PCMTD1: variants seen among roughly 807,000 people sequenced by gnomAD.
The protein encoded by PCMTD1 is protein-L-isoaspartate O-methyltransferase domain-containing protein 1.
Under a neutral mutation model 37.6 loss-of-function variants are expected in PCMTD1, and 12 were observed. The observed-to-expected ratio is 0.32, with a 90% CI of 0.20 to 0.52. PCMTD1 has a LOEUF of 0.52. PCMTD1 is among the 20% of genes least tolerant of loss of function. The pLI, the probability that PCMTD1 is intolerant of heterozygous loss-of-function variation, is 0.97. For synonymous variants in PCMTD1, 117 were observed against 135.8 expected (o/e 0.86, Z 0.96); for missense variants, 235 against 421.3 (o/e 0.56, Z 3.87).
intron 1 of PCMTD1, among the ~76,000 whole-genome samples, chr8:51,881,097 C>T (rs1312763486): frequency 2.0e-5 from 3 of 152,220 alleles, no homozygotes; most frequent in African/African-American, 7.2e-5. Context: ...CACTGCTTCA[C>T]TTACTGAGTC....
At chr8:51,894,388 T>C (rs1471523649) in intron 1 of PCMTD1, among the ~76,000 whole-genome samples, 1 of 152,024 alleles carries the variant, frequency 6.6e-6, no homozygotes, top group East Asian at 1.9e-4. Flanking sequence ...TCTTCCAGAG[T>C]GGATCAGGAG....
At chr8:51,882,667 G>T (rs1005798039) in intron 1 of PCMTD1, among the ~76,000 whole-genome samples, 1 of 151,966 alleles carries the variant, frequency 6.6e-6, no homozygotes. Flanking sequence ...AGTTATTTAA[G>T]ATCATGAAAA....
In PCMTD1 at chr8:51,833,640, C is replaced by T. The variant is rs1448784597; in HGVS notation, c.460G>A (p.Ala154Thr). The T allele has an allele frequency of 1.2e-6, 2 of 1,611,864 alleles. No individual in the cohort carries two copies. Among genetic ancestry groups the T allele is most frequent in the Non-Finnish European group, 8.5e-7 (1 of 1,179,622 alleles). ...AFVVGNCLQIASDSHQYDRIY... is the reference protein window; with the variant it reads ...AFVVGNCLQITSDSHQYDRIY... ...CGATCATACTGATGACTGTCAGAAG[C>T]TATCTGGAGGCAATTACCAACAACA... is the stretch of plus-strand genomic sequence containing the variant. The change falls in exon 4 of 6, where the codon GCT becomes ACT. Residue 154 changes from alanine to threonine, a missense_variant. By Grantham distance (58) the Ala-to-Thr change is moderately conservative. This residue lies in a region of PCMTD1 where 183 missense variants were observed against 349.3 expected (regional missense o/e 0.52). Coordinates refer to ENST00000522514, the MANE Select transcript of PCMTD1 (RefSeq NM_052937.4).
chr8:51,894,476 C>T (rs149748366), intron 1 of PCMTD1, among the ~76,000 whole-genome samples: 1 of 152,270 alleles, frequency 6.6e-6, no homozygotes, highest in African/African-American at 2.4e-5. Context: ...CAGAGCTCTT[C>T]TACCTACTAA....
chr8:51,838,703 C>G (rs147744503), intron 3 of PCMTD1, among the ~76,000 whole-genome samples: 3 of 152,146 alleles, frequency 2.0e-5, no homozygotes, highest in Admixed American at 2.0e-4. Context: ...TGTATGTTAC[C>G]TAAGTTTCCA....
chr8:51,852,784 T>C lies in PCMTD1; in HGVS notation c.308-7021A>G, dbSNP rs1048723268. ...GAGGAGAGACTGGTACTCAAGTTTC[T>C]GCATTATGTAATTTAGAAGAAAAAA... On this transcript the variant is annotated intron_variant, in intron 2 of 5. Transcript: ENST00000522514. Among the ~76,000 whole-genome samples the C allele has an allele frequency of 2.6e-5, 4 of 152,200 alleles. No homozygotes were observed. The East Asian group carries it at 5.8e-4, about 22-fold the overall frequency.
At chr8:51,854,675 G>A (rs1298009410) in intron 2 of PCMTD1, among the ~76,000 whole-genome samples, 4 of 151,890 alleles carry the variant, frequency 2.6e-5, no homozygotes. Flanking sequence ...TAAGGAGATC[G>A]AGACCATCTT....
Position 51,882,307 on chromosome 8 carries a change from G to A in PCMTD1, c.-96+16623C>T, listed in dbSNP as rs571981856. Among the ~76,000 whole-genome samples the A allele has an allele frequency of 3.9e-5, 6 of 152,280 alleles. No individual in the cohort carries two copies. The East Asian group carries it at 1.2e-3, about 29-fold the overall frequency. On this transcript the variant is annotated intron_variant, in intron 1 of 5. Transcript: ENST00000522514. ...TTTAAAATGACGCTATTGGATCAGG[G>A]CCTCACCATTATGATCTTAATTACT...
At chr8:51,865,653 A>G (rs1393778454) in intron 1 of PCMTD1, among the ~76,000 whole-genome samples, 1 of 152,062 alleles carries the variant, frequency 6.6e-6, no homozygotes, top group African/African-American at 2.4e-5. Flanking sequence ...CTCCCAATAA[A>G]TTAGACACAG....
chr8:51,829,491 C>T (rs2129275001), intron 5 of PCMTD1, among the ~76,000 whole-genome samples: 1 of 152,310 alleles, frequency 6.6e-6, no homozygotes, highest in African/African-American at 2.4e-5. Context: ...ATTGACTAGG[C>T]TCTATTCACC....
intron 1 of PCMTD1, among the ~76,000 whole-genome samples, chr8:51,892,501 C>T (rs2038950110): frequency 6.6e-6 from 1 of 152,178 alleles, no homozygotes; most frequent in Admixed American, 6.5e-5. Flanking sequence ...GAAAAGGAAC[C>T]AAAAAGCCCA....
rs2038436801 is a variant in PCMTD1, at chr8:51,859,239, CTCT to C, written c.307+1603_307+1605del. On this transcript the variant is annotated intron_variant, in intron 2 of 5. Transcript: ENST00000522514. ...AATGTTCAAGGACAGCAATTCCCCC[CTCT>C]TTTTTTTTTTAAAGAAGCAACTCTC... 2.0e-5 allele frequency among the ~76,000 whole-genome samples: 3 copies of C among 150,236 alleles called. No homozygotes were observed. In the South Asian group the frequency reaches 6.3e-4, roughly 32 times the overall value.
At chr8:51,837,156 A>G (rs1041931283) in intron 3 of PCMTD1, among the ~76,000 whole-genome samples, 1 of 152,218 alleles carries the variant, frequency 6.6e-6, no homozygotes, top group Non-Finnish European at 1.5e-5. Flanking sequence ...CAGAACAAGT[A>G]TAACTACTTC....
chr8:51,850,539 C>G (rs1305916722), intron 2 of PCMTD1, among the ~76,000 whole-genome samples: 2 of 152,144 alleles, frequency 1.3e-5, no homozygotes, highest in African/African-American at 4.8e-5. Context: ...CAGTACTAGC[C>G]ACCCCTCCTA....
At chr8:51,893,628 A>T (rs2038964023) in intron 1 of PCMTD1, among the ~76,000 whole-genome samples, 1 of 152,194 alleles carries the variant, frequency 6.6e-6, no homozygotes, top group South Asian at 2.1e-4. Context: ...TAAATCATTA[A>T]TTTTTTTAAA....
intron 5 of PCMTD1, among the ~76,000 whole-genome samples, chr8:51,823,475 TA>T (rs1288120067): frequency 6.6e-6 from 1 of 151,976 alleles, no homozygotes; most frequent in East Asian, 1.9e-4. Flanking sequence ...AAACAATTAA[TA>T]AAAAAAAGTT....
intron 4 of PCMTD1, among the ~76,000 whole-genome samples, chr8:51,833,258 T>A (rs2038021049): frequency 6.6e-6 from 1 of 152,190 alleles, no homozygotes. Flanking sequence ...AGCAGCTTGC[T>A]GAACACCAGG....
At chr8:51,867,893 A>C (rs1329290931) in intron 1 of PCMTD1, among the ~76,000 whole-genome samples, 2 of 152,094 alleles carry the variant, frequency 1.3e-5, no homozygotes, top group African/African-American at 4.8e-5. Context: ...CGCTTTAGTA[A>C]TCTTTACAGA....
chr8:51,875,496 T>A (rs1028036390), intron 1 of PCMTD1, among the ~76,000 whole-genome samples: 4 of 152,244 alleles, frequency 2.6e-5, no homozygotes, highest in Admixed American at 2.6e-4. Context: ...CTTAATTCAC[T>A]TGCTACTCCT....
Sources: allele counts gnomAD v4.1 joint callset (sites outside exome capture counted in the v4.1 genomes callset), GRCh38; gene constraint gnomAD v4.1.1; regional missense constraint gnomAD v4.1.1; transcripts MANE v1.5; gene names NCBI Gene and HGNC (gene_info 2026-07-23, HGNC 2026-07-21).